The following PSMG2 variants were observed in gnomAD, a reference collection of about 807,000 sequenced individuals.
The protein encoded by PSMG2 is CD40 ligand-activated specific transcript 3.
A neutral mutation model predicts 31.5 loss-of-function variants in PSMG2; 21 were observed. The ratio of observed to expected loss-of-function variants is 0.67; its 90% CI spans 0.47 to 0.96. PSMG2 has a LOEUF of 0.96. Among genes scored for constraint, PSMG2 ranks in the 40% least tolerant of loss-of-function variants. PSMG2 has a pLI of 0.00. For synonymous variants in PSMG2, 120 were observed against 110.4 expected (o/e 1.09, Z -0.54); for missense variants, 318 against 321.2 (o/e 0.99, Z 0.08).
chr18:12,658,924 C>G (rs1369566202), intron 1 of PSMG2: 2 of 252,816 alleles, frequency 7.9e-6, no homozygotes, highest in African/African-American at 4.6e-5. Flanking sequence ...GGTCCCTTCC[C>G]TCACTAAGGT....
chr18:12,701,461 T>C (rs2040147109), upstream of PSMG2, among the ~76,000 whole-genome samples: 1 of 152,188 alleles, frequency 6.6e-6, no homozygotes, highest in South Asian at 2.1e-4. Flanking sequence ...AAGGGAATCT[T>C]ACCAGCTTTC....
intron 1 of PSMG2, among the ~76,000 whole-genome samples, chr18:12,693,297 G>A (rs2039832609): frequency 6.6e-6 from 1 of 152,104 alleles, no homozygotes; most frequent in East Asian, 1.9e-4. Flanking sequence ...AATGGTCCAT[G>A]TCTGCAATCC....
chr18:12,667,964 TAAC>T (rs1002533831), intron 1 of PSMG2, among the ~76,000 whole-genome samples: 2 of 147,214 alleles, frequency 1.4e-5, no homozygotes, highest in Non-Finnish European at 3.0e-5. Context: ...ACATCAATAA[TAAC>T]ATTAAATGTG....
At chr18:12,687,141 G>A (rs2039566544) in intron 1 of PSMG2, among the ~76,000 whole-genome samples, 1 of 152,088 alleles carries the variant, frequency 6.6e-6, no homozygotes, top group Non-Finnish European at 1.5e-5. Context: ...CATGGTTACT[G>A]ATACGGCACT....
At chr18:12,677,375 T>C (rs2039175619) in intron 1 of PSMG2, among the ~76,000 whole-genome samples, 1 of 146,396 alleles carries the variant, frequency 6.8e-6, no homozygotes, top group African/African-American at 2.5e-5. Flanking sequence ...GAGGTAGAGG[T>C]TGCAGTGAAC....
intron 1 of PSMG2, among the ~76,000 whole-genome samples, chr18:12,683,960 CTGT>C (rs1406057741): frequency 6.6e-6 from 1 of 150,552 alleles, no homozygotes; most frequent in Admixed American, 6.7e-5. Context: ...TGTTGTAATG[CTGT>C]TGTTTGTACA....
Position 12,706,653 on chromosome 18 carries a change from C to G in PSMG2, c.161C>G (p.Pro54Arg), listed in dbSNP as rs2040271750. 5 of 1,613,732 alleles carry G rather than the reference C, an allele frequency of 3.1e-6. No individual in the cohort carries two copies. The highest frequency in any genetic ancestry group is 3.4e-6 in the Non-Finnish European group (4 of 1,179,820). Residue 54 changes from proline (P) to arginine (R), a missense_variant, in exon 2 of 7, where the codon CCA becomes CGA. By Grantham distance (103) the Pro-to-Arg change is moderately radical (BLOSUM62 -2). Transcript: ENST00000317615. Reference sequence around the variant, plus strand: ...TACTTCTATACCGATTGTCTTGTGCCAATGGTTGGAAACAATCCATATGCG... The same window carrying G: ...TACTTCTATACCGATTGTCTTGTGCGAATGGTTGGAAACAATCCATATGCG... ...IGYFYTDCLV[P>R]MVGNNPYATT...
At chr18:12,676,279 CTTTTT>C (rs1157897766) in intron 1 of PSMG2, among the ~76,000 whole-genome samples, 1 of 106,406 alleles carries the variant, frequency 9.4e-6, no homozygotes, top group African/African-American at 3.5e-5. Flanking sequence ...ACAGTAATTC[CTTTTT>C]TTTTTTTTTT....
At position 12,674,965 on chromosome 18, in the gene PSMG2, C is replaced by A. The variant is rs78564770; in HGVS notation, c.-37+16192C>A. Among the ~76,000 whole-genome samples, 1,192 of 152,012 alleles carry A rather than the reference C, an allele frequency of 7.8e-3. 14 individuals are homozygous for A. The highest frequency in any genetic ancestry group is 0.027 in the African/African-American group (1,120 of 41,470). Reference sequence around the variant, plus strand: ...CAGATTTTACTTTTTAGAGAAACAACCAAAAAACATTCAAAACAATGTTCA... The same window carrying A: ...CAGATTTTACTTTTTAGAGAAACAAACAAAAAACATTCAAAACAATGTTCA... On this transcript the variant is annotated intron_variant, in intron 1 of 6. Transcript: ENST00000585331.
upstream of PSMG2, chr18:12,700,267 G>A (rs2040106131): frequency 6.3e-6 from 1 of 159,856 alleles, no homozygotes; most frequent in Non-Finnish European, 1.4e-5. Flanking sequence ...TCATCACAGA[G>A]TAGAAGCTGT....
At chr18:12,665,773 C>T (rs1444907561) in intron 1 of PSMG2, among the ~76,000 whole-genome samples, 1 of 152,164 alleles carries the variant, frequency 6.6e-6, no homozygotes, top group African/African-American at 2.4e-5. Context: ...TCTCTGCTTA[C>T]TGCAACCTCT....
At chr18:12,686,596 T>C in intron 1 of PSMG2, 1 of 587,794 alleles carries the variant, frequency 1.7e-6, no homozygotes, top group South Asian at 2.1e-5. Context: ...TGCAAAGTGC[T>C]GTGTATATAA....
intron 1 of PSMG2, among the ~76,000 whole-genome samples, chr18:12,695,087 A>C (rs1046927413): frequency 4.5e-4 from 69 of 152,310 alleles, no homozygotes; most frequent in African/African-American, 1.4e-3. Context: ...CTAGGAAAAC[A>C]ATCTTGTCTT....
intron 1 of PSMG2, among the ~76,000 whole-genome samples, chr18:12,667,531 G>A (rs1417544774): frequency 6.6e-6 from 1 of 152,170 alleles, no homozygotes; most frequent in Non-Finnish European, 1.5e-5. Context: ...GGAGGCCAAG[G>A]CAGGTGGATC....
At chr18:12,720,014 GC>G (rs2040415676) in intron 4 of PSMG2, among the ~76,000 whole-genome samples, 1 of 151,772 alleles carries the variant, frequency 6.6e-6, no homozygotes, top group African/African-American at 2.4e-5. Context: ...ACCACGCCCG[GC>G]CCCAAGATGT....
intron 1 of PSMG2, among the ~76,000 whole-genome samples, chr18:12,679,510 T>G (rs1034081376): frequency 1.3e-5 from 2 of 152,162 alleles, no homozygotes; most frequent in Admixed American, 1.3e-4. Flanking sequence ...ATAAATTCCA[T>G]TTTTCTCCCC....
intron 1 of PSMG2, among the ~76,000 whole-genome samples, chr18:12,659,586 C>T (rs940851174): frequency 3.3e-5 from 5 of 152,074 alleles, no homozygotes; most frequent in Admixed American, 6.6e-5. Context: ...AGGAGAATCG[C>T]TTGAACCTGG....
intron 5 of PSMG2, among the ~76,000 whole-genome samples, chr18:12,722,403 G>T (rs1470768694): frequency 6.6e-6 from 1 of 152,094 alleles, no homozygotes; most frequent in Non-Finnish European, 1.5e-5. Context: ...GAGGAAATCA[G>T]TTAAGACTAC....
intron 1 of PSMG2, among the ~76,000 whole-genome samples, chr18:12,694,806 G>T (rs1357854054): frequency 6.6e-6 from 1 of 151,452 alleles, no homozygotes; most frequent in African/African-American, 2.4e-5. Flanking sequence ...CCTCTTACCG[G>T]TTCACGCCAT....
Sources: allele counts gnomAD v4.1 joint callset (sites outside exome capture counted in the v4.1 genomes callset), GRCh38; gene constraint gnomAD v4.1.1; transcripts MANE v1.5; gene names NCBI Gene and HGNC (gene_info 2026-07-23, HGNC 2026-07-21).